Variants in CDH8 observed in about 807,000 individuals in gnomAD.
CDH8 encodes cadherin-8.
Under a neutral mutation model 68.1 loss-of-function variants are expected in CDH8, and 17 were observed. The ratio of observed to expected loss-of-function variants is 0.25; its 90% CI spans 0.17 to 0.37. The LOEUF (loss-of-function observed/expected upper bound fraction) is 0.37. Among genes scored for constraint, CDH8 ranks in the 10% least tolerant of loss-of-function variants. The probability of loss-of-function intolerance (pLI) is 1.00; values close to 1 mark genes in which losing one functional copy is unlikely to be tolerated. For synonymous variants in CDH8, 372 were observed against 365.1 expected, an observed-to-expected ratio of 1.02 and a Z score of -0.21; for missense variants, 763 against 999.3, an observed-to-expected ratio of 0.76 and a Z score of 3.19.
intron 5 of CDH8, among the ~76,000 whole-genome samples, chr16:61,823,927 G>A (rs1470083271): frequency 1.3e-5 from 2 of 151,808 alleles, no homozygotes; most frequent in Non-Finnish European, 2.9e-5. Context: ...TGTACACTGT[G>A]ATGTTTTGAT....
chr16:61,846,966 T>C (rs1482969980), intron 4 of CDH8, among the ~76,000 whole-genome samples: 3 of 152,094 alleles, frequency 2.0e-5, no homozygotes, highest in Non-Finnish European at 2.9e-5. Flanking sequence ...TGGTCCACTA[T>C]CAACAATCCC....
At chr16:61,768,318 C>CTGTG (rs1960653888) in intron 8 of CDH8, among the ~76,000 whole-genome samples, 1 of 38,882 alleles carries the variant, frequency 2.6e-5, no homozygotes, top group South Asian at 1.0e-3. Flanking sequence ...CTCCCTTTCT[C>CTGTG]TCTCTCTCTC....
chr16:61,854,986 T>C (rs1233739266), intron 4 of CDH8, among the ~76,000 whole-genome samples: 1 of 152,170 alleles, frequency 6.6e-6, no homozygotes, highest in Non-Finnish European at 1.5e-5. Context: ...AAGAACTTAG[T>C]CTGACTTTTA....
chr16:61,863,319 C>T (rs750706439), intron 3 of CDH8, among the ~76,000 whole-genome samples: 20 of 152,116 alleles, frequency 1.3e-4, no homozygotes, highest in Non-Finnish European at 2.5e-4. Flanking sequence ...ACCCATTTTT[C>T]TCCCCTTCCA....
At chr16:61,668,272 G>C (rs1407997174) in intron 10 of CDH8, among the ~76,000 whole-genome samples, 3 of 151,896 alleles carry the variant, frequency 2.0e-5, no homozygotes, top group African/African-American at 7.3e-5. Context: ...AAGTATCACA[G>C]AATCCAAGTT....
intron 4 of CDH8, among the ~76,000 whole-genome samples, chr16:61,843,491 G>A (rs1962731645): frequency 6.6e-6 from 1 of 152,134 alleles, no homozygotes; most frequent in Non-Finnish European, 1.5e-5. Context: ...TCAAGGTCAT[G>A]CAACTAGGAA....
chr16:61,793,294 G>A (rs987868818), intron 7 of CDH8, among the ~76,000 whole-genome samples: 4 of 151,778 alleles, frequency 2.6e-5, no homozygotes, highest in African/African-American at 9.7e-5. Context: ...TGCAGGATGT[G>A]CAGGTTTATT....
intron 1 of CDH8, among the ~76,000 whole-genome samples, chr16:62,025,001 A>G (rs2150616738): frequency 6.6e-6 from 1 of 152,348 alleles, no homozygotes; most frequent in Non-Finnish European, 1.5e-5. Context: ...AAAGAAATAC[A>G]TAAACAATTC....
intron 2 of CDH8, among the ~76,000 whole-genome samples, chr16:61,989,879 G>A (rs531708246): frequency 2.6e-5 from 4 of 152,198 alleles, no homozygotes; most frequent in East Asian, 1.9e-4. Flanking sequence ...GTCCAAGCCC[G>A]TGAATTTTGT....
At chr16:62,021,094 T>G in intron 2 of CDH8, 58 bp downstream of exon 2, 1 of 1,457,958 alleles carries the variant, frequency 6.9e-7, no homozygotes, top group Non-Finnish European at 9.5e-7. Context: ...AGTCTGGTAT[T>G]AAACATCTTA....
chr16:61,934,770 C>T (rs907136143), intron 2 of CDH8, among the ~76,000 whole-genome samples: 1 of 152,118 alleles, frequency 6.6e-6, no homozygotes, highest in Non-Finnish European at 1.5e-5. Flanking sequence ...ATTCAAGACA[C>T]GCTTGTAGAA....
At chr16:61,783,082 A>G (rs1347482545) in intron 8 of CDH8, among the ~76,000 whole-genome samples, 3 of 148,928 alleles carry the variant, frequency 2.0e-5, no homozygotes, top group Non-Finnish European at 4.5e-5. Flanking sequence ...ACAAAGCTGG[A>G]TGGAGAATGA....
Position 61,838,394 on chromosome 16 carries a change from C to T in CDH8, c.668-13215G>A, listed in dbSNP as rs1272272149. Among the ~76,000 whole-genome samples, 5 of 152,088 alleles carry T rather than the reference C, an allele frequency of 3.3e-5. No homozygotes were observed. The South Asian group carries it at 8.3e-4, about 25-fold the overall frequency. ...TTCCACCTTTCCTAACTGTCTGCTT[C>T]CTTCAATTCAACTCAATAAACACTC... On this transcript the variant is annotated intron_variant, in intron 4 of 11. Coordinates refer to ENST00000577390, the MANE Select transcript of CDH8 (RefSeq NM_001796.5).
intron 1 of CDH8, among the ~76,000 whole-genome samples, chr16:62,034,107 A>C (rs1902392934): frequency 6.6e-6 from 1 of 152,138 alleles, no homozygotes; most frequent in South Asian, 2.1e-4. Context: ...ATGTAACCCT[A>C]AGAGAACATC....
At chr16:61,668,153 C>CT (rs1161613582) in intron 10 of CDH8, among the ~76,000 whole-genome samples, 6 of 151,990 alleles carry the variant, frequency 3.9e-5, no homozygotes, top group African/African-American at 1.4e-4. Flanking sequence ...AAATTCCATA[C>CT]TTTGAGCCTC....
chr16:61,947,624 A>G (rs1490893680), intron 2 of CDH8, among the ~76,000 whole-genome samples: 1 of 152,234 alleles, frequency 6.6e-6, no homozygotes, highest in Non-Finnish European at 1.5e-5. Context: ...TCTAAATGAA[A>G]TAACACATTC....
intron 2 of CDH8, among the ~76,000 whole-genome samples, chr16:61,953,895 T>TTATATATATATATATGTA (rs1964935875): frequency 8.4e-6 from 1 of 118,878 alleles, no homozygotes; most frequent in African/African-American, 3.8e-5. Flanking sequence ...AAAAAAAACT[T>TTATATATATATATATGTA]TATATATATA....
chr16:61,865,513 C>G (rs955145262), intron 3 of CDH8, among the ~76,000 whole-genome samples: 1 of 152,126 alleles, frequency 6.6e-6, no homozygotes, highest in South Asian at 2.1e-4. Flanking sequence ...ATCTTAGACA[C>G]GTTTATATGC....
chr16:61,749,653 T>C (rs1960108723), intron 8 of CDH8, among the ~76,000 whole-genome samples: 1 of 152,066 alleles, frequency 6.6e-6, no homozygotes, highest in Non-Finnish European at 1.5e-5. Flanking sequence ...AAATTATATA[T>C]AAAAGCACCA....
Sources: gnomAD v4.1 joint callset for allele counts (sites outside exome capture counted in the v4.1 genomes callset) on GRCh38, gnomAD v4.1.1 for gene constraint, MANE v1.5 for transcripts, NCBI Gene and HGNC (gene_info 2026-07-23, HGNC 2026-07-21) for gene names.